Variants in USP7 observed in about 807,000 individuals in gnomAD.
USP7 encodes the protein ubiquitin C-terminal hydrolase 7.
In USP7, 9 loss-of-function variants were observed where a neutral mutation model predicts 162.9. The observed-to-expected ratio is 0.06, with a 90% confidence interval of 0.03 to 0.10. USP7 has a LOEUF of 0.10. USP7 is among the 10% of genes least tolerant of loss of function. The probability of loss-of-function intolerance (pLI) is 1.00; values close to 1 mark genes in which losing one functional copy is unlikely to be tolerated. For missense variants in USP7, 715 were observed against 1,373.7 expected, an observed-to-expected ratio of 0.52 and a Z score of 7.58; for synonymous variants, 562 against 475.9, an observed-to-expected ratio of 1.18 and a Z score of -2.35.
chr16:8,899,665 T>C lies in USP7; in HGVS notation c.2402A>G (p.Lys801Arg). The change falls in exon 22 of 31, where the codon AAA becomes AGA. Residue 801 changes from lysine (K) to arginine (R), a missense_variant. Physicochemically the swap from Lys to Arg is conservative, Grantham distance 26. Around this residue, in one of 11 missense-constraint regions of USP7, gnomAD observed 222 missense variants for 441.7 expected, o/e 0.50. Transcript: ENST00000344836. ...AAATCCAGGATCATTAGGGATTGTT[T>C]TATCACAGAAAATGACATCAACGCG... ...YHRVDVIFCD[K>R]TIPNDPGFVV... 6.2e-7 allele frequency: 1 copy of C among 1,614,232 alleles called. No individual in the cohort carries two copies. The highest frequency in any genetic ancestry group is 8.5e-7 in the Non-Finnish European group (1 of 1,180,028).
intron 1 of USP7, among the ~76,000 whole-genome samples, chr16:8,948,036 C>A (rs1186974307): frequency 6.6e-6 from 1 of 152,226 alleles, no homozygotes; most frequent in African/African-American, 2.4e-5. Context: ...CCCACTCCCA[C>A]CCACCACCTC....
Position 8,915,452 on chromosome 16 carries a change from T to C in USP7, c.980A>G (p.Lys327Arg), listed in dbSNP as rs747180128. 1.2e-6 allele frequency: 2 copies of C among 1,613,862 alleles called. No individual in the cohort carries two copies. Among genetic ancestry groups the C allele is most frequent in the Non-Finnish European group, 1.7e-6 (2 of 1,179,992 alleles). ...EGTIPKLFRGKMVSYIQCKEV... is the reference protein window; with the variant it reads ...EGTIPKLFRGRMVSYIQCKEV... The stretch of plus-strand genomic sequence containing the variant: ...GAACTGGTAGCCACATACCACCATT[T>C]TGCCGCGGAATAATTTGGGTATGGT... The change falls in exon 9 of 31, where the codon AAA becomes AGA. Residue 327 changes from lysine to arginine, a missense_variant. Transcript: ENST00000344836.
At chr16:8,921,568 T>C (rs956382784) in intron 3 of USP7, among the ~76,000 whole-genome samples, 6 of 152,248 alleles carry the variant, frequency 3.9e-5, no homozygotes, top group Non-Finnish European at 7.3e-5. Context: ...ATTGTATCTA[T>C]ACAATTTTGA....
intron 10 of USP7, among the ~76,000 whole-genome samples, chr16:8,911,314 TG>T (rs1250206837): frequency 1.3e-5 from 2 of 152,110 alleles, no homozygotes; most frequent in African/African-American, 4.8e-5. Context: ...TGTAGATAAA[TG>T]GAAAAGGCAA....
chr16:8,930,837 C>A (rs1445713277), intron 1 of USP7, among the ~76,000 whole-genome samples: 5 of 152,036 alleles, frequency 3.3e-5, no homozygotes, highest in Non-Finnish European at 7.4e-5. Context: ...GGTGTGGTGG[C>A]GCATGCCCGC....
chr16:8,932,053 T>A (rs1328269517), intron 1 of USP7, among the ~76,000 whole-genome samples: 2 of 152,126 alleles, frequency 1.3e-5, no homozygotes, highest in African/African-American at 4.8e-5. Flanking sequence ...GACAGTGCCA[T>A]GCTCACCTCC....
At chr16:8,941,616 G>A (rs958798578) in intron 1 of USP7, among the ~76,000 whole-genome samples, 4 of 152,224 alleles carry the variant, frequency 2.6e-5, no homozygotes, top group Non-Finnish European at 5.9e-5. Context: ...AATTCGCTTA[G>A]TATCTTCCTT....
In USP7 at chr16:8,895,747, C is replaced by T. The variant is rs1270404466; in HGVS notation, c.2820-6G>A. 2 of 1,586,424 alleles carry T rather than the reference C, an allele frequency of 1.3e-6. No individual in the cohort carries two copies. Among genetic ancestry groups the T allele is most frequent in the Admixed American group, 1.9e-5 (1 of 53,740 alleles). ...AGCTTACAATTTCTAGCAGCCTGAA[C>T]AGAGAGGAAAAAAAAATAGGGCAAA... On this transcript the variant is annotated splice_polypyrimidine_tract_variant and splice_region_variant and intron_variant, in intron 26 of 30. Coordinates refer to ENST00000344836, the MANE Select transcript of USP7 (RefSeq NM_003470.3).
chr16:8,904,771 T>C (rs564737677), intron 14 of USP7, among the ~76,000 whole-genome samples: 1 of 147,644 alleles, frequency 6.8e-6, no homozygotes, highest in Admixed American at 6.8e-5. Flanking sequence ...TGAAACCCCA[T>C]CTCTACTACT....
chr16:8,900,011 T>C (rs992534201), intron 21 of USP7: 17 of 552,894 alleles, frequency 3.1e-5, no homozygotes, highest in Admixed American at 6.8e-5. Flanking sequence ...AAAACCCCCT[T>C]AGGTAACAGC....
intron 1 of USP7, among the ~76,000 whole-genome samples, chr16:8,942,146 G>A (rs138948322): frequency 1.3e-3 from 205 of 152,364 alleles, no homozygotes; most frequent in South Asian, 2.9e-3. Flanking sequence ...CCAAAGCTAT[G>A]GAGGGCCTTG....
At chr16:8,949,525 C>T (rs1899451441) in intron 1 of USP7, 1 of 152,438 alleles carries the variant, frequency 6.6e-6, no homozygotes, top group South Asian at 2.1e-4. Flanking sequence ...TTTTCATCCA[C>T]CCAGAAGCCT....
At chr16:8,933,499 T>C (rs963267530) in intron 1 of USP7, among the ~76,000 whole-genome samples, 9 of 152,156 alleles carry the variant, frequency 5.9e-5, no homozygotes, top group African/African-American at 1.9e-4. Context: ...TTTACAAAAT[T>C]CAAAAGATGT....
In USP7 at chr16:8,899,487, C is replaced by T. The variant is rs2061741357; in HGVS notation, c.2463+117G>A. The T allele has an allele frequency of 9.2e-6, 12 of 1,310,394 alleles. No individual in the cohort carries two copies. In the East Asian group the frequency reaches 1.2e-4, roughly 13 times the overall value. 81.2% of individuals were successfully genotyped at this position (1,310,394 alleles called of 1,614,324 possible). On this transcript the variant is annotated intron_variant, in intron 22 of 30. Coordinates refer to ENST00000344836, the MANE Select transcript of USP7 (RefSeq NM_003470.3). ...TGAATCCATCAGTGGGAGATTTCCT[C>T]GGGCATAGCCCCTTCTGAACCAAAA... is the stretch of plus-strand genomic sequence containing the variant.
intron 18 of USP7, 194 bp downstream of exon 18, chr16:8,901,888 C>T: frequency 6.7e-6 from 4 of 595,912 alleles, no homozygotes; most frequent in Non-Finnish European, 1.2e-5. Context: ...CTGCTACTGT[C>T]TCCGGGCCTC....
chr16:8,937,702 C>T (rs570235729), intron 1 of USP7, among the ~76,000 whole-genome samples: 1 of 152,122 alleles, frequency 6.6e-6, no homozygotes, highest in South Asian at 2.1e-4. Context: ...ACAAAAAAAA[C>T]AGAAAGGGAA....
In USP7 at chr16:8,944,937, G is replaced by A. The variant is rs532024302; in HGVS notation, c.80-14540C>T. Among the ~76,000 whole-genome samples the A allele has an allele frequency of 9.9e-5, 15 of 152,082 alleles. No individual in the cohort carries two copies. In the East Asian group the frequency reaches 2.3e-3, roughly 24 times the overall value. On this transcript the variant is annotated intron_variant, in intron 1 of 30. Transcript: ENST00000344836. Reference sequence around the variant, plus strand: ...AGCCTGGCCAATATGGCGAAACCTCGCCTCTACTAAAAATACAAAAATTAG... The same window carrying A: ...AGCCTGGCCAATATGGCGAAACCTCACCTCTACTAAAAATACAAAAATTAG...
rs891502138 is a variant in USP7, at chr16:8,913,660, C to A, written c.1078+1594G>T. On this transcript the variant is annotated intron_variant, in intron 10 of 30. Coordinates refer to ENST00000344836, the MANE Select transcript of USP7 (RefSeq NM_003470.3). ...CCGACCCGCACTAAATGATTCCTAA[C>A]GAGAATCCATATCCAAATTAAAAAC... 2.0e-5 allele frequency among the ~76,000 whole-genome samples: 3 copies of A among 152,188 alleles called. No individual in the cohort carries two copies. The East Asian group carries it at 5.8e-4, about 29-fold the overall frequency.
chr16:8,936,348 G>T (rs921956069), intron 1 of USP7, among the ~76,000 whole-genome samples: 1 of 152,074 alleles, frequency 6.6e-6, no homozygotes, highest in Non-Finnish European at 1.5e-5. Flanking sequence ...GGTTCTGCAT[G>T]GTCCTCTCTT....
Sources: allele counts gnomAD v4.1 joint callset (sites outside exome capture counted in the v4.1 genomes callset), GRCh38; gene constraint gnomAD v4.1.1; regional missense constraint gnomAD v4.1.1; transcripts MANE v1.5; gene names NCBI Gene and HGNC (gene_info 2026-07-23, HGNC 2026-07-21).